MPDZ: variants seen among roughly 807,000 people sequenced by gnomAD.
The protein encoded by MPDZ is multiple PDZ domain crumbs cell polarity complex component, also known as multiple PDZ domain protein.
Under a neutral mutation model 239.1 loss-of-function variants are expected in MPDZ, and 234 were observed. The observed-to-expected ratio is 0.98, with a 90% confidence interval of 0.88 to 1.09. MPDZ has a LOEUF of 1.09. MPDZ is among the 50% of genes least tolerant of loss of function. The pLI is 0.00. For missense variants in MPDZ, 3,175 were observed against 2,510.0 expected (o/e 1.26, Z -5.66); for synonymous variants, 1,048 against 881.3 (o/e 1.19, Z -3.35).
At chr9:13,156,649 T>C (rs1487380757) in intron 24 of MPDZ, among the ~76,000 whole-genome samples, 1 of 152,148 alleles carries the variant, frequency 6.6e-6, no homozygotes, top group Non-Finnish European at 1.5e-5. Context: ...AAGATGAGAT[T>C]TGGGTGGGGA....
chr9:13,155,768 C>T (rs1017305222), intron 24 of MPDZ, among the ~76,000 whole-genome samples: 1 of 152,122 alleles, frequency 6.6e-6, no homozygotes, highest in Admixed American at 6.6e-5. Flanking sequence ...ACACTAACTC[C>T]TAATTTATTA....
intron 3 of MPDZ, among the ~76,000 whole-genome samples, chr9:13,229,704 T>A (rs1961802212): frequency 2.0e-5 from 3 of 151,836 alleles, no homozygotes; most frequent in Admixed American, 1.3e-4. Context: ...AAGATCCCTA[T>A]GCAGAAAGTA....
rs114243286 is a variant in MPDZ at position 13,222,178 on chromosome 9, C to G, written c.747+55G>C. 3.9e-5 allele frequency: 58 copies of G among 1,475,476 alleles called. 1 individual carries two copies. The South Asian group carries it at 7.8e-4, about 20-fold the overall frequency. The allele number at this position is 1,475,476 out of a possible 1,614,324, so 91.4% of individuals were successfully genotyped here. On this transcript the variant is annotated intron_variant, in intron 6 of 46. Transcript: ENST00000319217. ...ACACAAATTAGAAACTTGGAGATAA[C>G]CAAAAACAACTTGAAAAATACGTTC...
At chr9:13,136,024 G>T in intron 31 of MPDZ, 68 bp downstream of exon 31, 1 of 1,051,666 alleles carries the variant, frequency 9.5e-7, no homozygotes, top group Non-Finnish European at 1.4e-6. Flanking sequence ...TTATGTAATT[G>T]TTGATTGAAT....
intron 31 of MPDZ, chr9:13,135,194 T>C (rs1352947796): frequency 2.0e-5 from 3 of 152,234 alleles, no homozygotes; most frequent in Non-Finnish European, 4.4e-5. Context: ...AAGACAGCCA[T>C]CCCTCATGTC....
At chr9:13,201,913 A>C (rs933829955) in intron 12 of MPDZ, among the ~76,000 whole-genome samples, 5 of 152,112 alleles carry the variant, frequency 3.3e-5, no homozygotes, top group African/African-American at 1.2e-4. Context: ...CCTCTTTAAC[A>C]GGATTATTCT....
chr9:13,255,999 C>A (rs1233144009), intron 1 of MPDZ, among the ~76,000 whole-genome samples: 1 of 152,180 alleles, frequency 6.6e-6, no homozygotes, highest in Non-Finnish European at 1.5e-5. Flanking sequence ...CATTAAAAAT[C>A]TGTTGTTTAG....
At chr9:13,238,426 C>A (rs1964615436) in intron 3 of MPDZ, among the ~76,000 whole-genome samples, 1 of 152,142 alleles carries the variant, frequency 6.6e-6, no homozygotes, top group African/African-American at 2.4e-5. Context: ...CAGACACCCC[C>A]TTCTCAAGCC....
At chr9:13,175,097 AAGAC>A (rs1274061639) in intron 21 of MPDZ, among the ~76,000 whole-genome samples, 1 of 152,184 alleles carries the variant, frequency 6.6e-6, no homozygotes, top group African/African-American at 2.4e-5. Flanking sequence ...TTTATCAAGA[AAGAC>A]AGGGCTGAGT....
chr9:13,248,540 A>G (rs1419000061), intron 2 of MPDZ, among the ~76,000 whole-genome samples: 1 of 152,106 alleles, frequency 6.6e-6, no homozygotes, highest in Non-Finnish European at 1.5e-5. Context: ...AAACACAAAC[A>G]TATACACTTA....
chr9:13,204,182 G>T (rs1252607402), intron 12 of MPDZ, among the ~76,000 whole-genome samples: 1 of 152,152 alleles, frequency 6.6e-6, no homozygotes, highest in Non-Finnish European at 1.5e-5. Context: ...CTTGTATTCT[G>T]TTCAGTGAGT....
intron 10 of MPDZ, among the ~76,000 whole-genome samples, chr9:13,208,145 A>G (rs552924043): frequency 1.3e-5 from 2 of 152,302 alleles, no homozygotes; most frequent in South Asian, 2.1e-4. Context: ...TGCGAAAATT[A>G]TAAGATCTAG....
intron 39 of MPDZ, among the ~76,000 whole-genome samples, chr9:13,117,322 G>C (rs1434003041): frequency 2.0e-5 from 3 of 152,044 alleles, no homozygotes; most frequent in African/African-American, 7.2e-5. Flanking sequence ...ACGAAGTCAG[G>C]AGATTGAGAC....
intron 12 of MPDZ, among the ~76,000 whole-genome samples, chr9:13,201,948 G>T (rs561591321): frequency 6.6e-6 from 1 of 152,058 alleles, no homozygotes; most frequent in Non-Finnish European, 1.5e-5. Flanking sequence ...ACATTTCATA[G>T]ATCTTCAATT....
rs930216846 is a variant in MPDZ at position 13,106,366 on chromosome 9, A to C, written c.*599T>G. Reference sequence around the variant, plus strand: ...TGCCATTTACTCAATTGTAGAAACCAATTTTAGCAGGAAAAATATATATGC... The same window carrying C: ...TGCCATTTACTCAATTGTAGAAACCCATTTTAGCAGGAAAAATATATATGC... On this transcript the variant is annotated 3_prime_UTR_variant, in exon 47 of 47. Coordinates refer to ENST00000319217, the MANE Select transcript of MPDZ (RefSeq NM_001378778.1). The C allele has an allele frequency of 6.6e-6, 1 of 152,164 alleles. No homozygotes were observed. Among genetic ancestry groups the C allele is most frequent in the Non-Finnish European group, 1.5e-5 (1 of 68,020 alleles). The allele number at this position is 152,164 out of a possible 1,614,324, so 9.4% of individuals were successfully genotyped here. A position where few individuals can be genotyped will look rare whatever the true frequency, so the allele number is the denominator to read the frequency against.
At chr9:13,145,245 G>A (rs1436464490) in intron 26 of MPDZ, among the ~76,000 whole-genome samples, 1 of 152,064 alleles carries the variant, frequency 6.6e-6, no homozygotes, top group Middle Eastern at 3.4e-3. Context: ...TATAGTCCCA[G>A]GGGCTGAGAA....
rs73408218 is a variant in MPDZ, at chr9:13,221,344, G to C, written c.876+28C>G. 1.4e-5 allele frequency: 22 copies of C among 1,568,882 alleles called. No individual in the cohort carries two copies. The African/African-American group carries it at 2.7e-4, about 19-fold the overall frequency. ...TGTACCCATATTATTTGATAAAATA[G>C]CATAAAAGATCTATTGATGTAGCCT... On this transcript the variant is annotated intron_variant, in intron 7 of 46. Coordinates refer to ENST00000319217, the MANE Select transcript of MPDZ (RefSeq NM_001378778.1).
At chr9:13,223,126 T>A (rs923704455) in intron 5 of MPDZ, among the ~76,000 whole-genome samples, 3 of 152,016 alleles carry the variant, frequency 2.0e-5, no homozygotes, top group Admixed American at 2.0e-4. Context: ...CCACTTTATA[T>A]AAGGGACTTG....
intron 13 of MPDZ, 99 bp from the exon 14 acceptor site, chr9:13,193,412 C>A (rs1955218895): frequency 7.6e-7 from 1 of 1,312,746 alleles, no homozygotes; most frequent in South Asian, 1.9e-5. Context: ...AAGTGGTCAT[C>A]TTTCTCACAA....
Sources: allele counts gnomAD v4.1 joint callset (sites outside exome capture counted in the v4.1 genomes callset), GRCh38; gene constraint gnomAD v4.1.1; transcripts MANE v1.5; gene names NCBI Gene and HGNC (gene_info 2026-07-23, HGNC 2026-07-21).